The following WDR5 variants were observed in gnomAD, a reference collection of about 807,000 sequenced individuals.
The protein encoded by WDR5 is WD repeat-containing protein 5.
For missense variants in WDR5, 187 were observed against 416.9 expected, an observed-to-expected ratio of 0.45 and a Z score of 4.80; for synonymous variants, 144 against 161.6, an observed-to-expected ratio of 0.89 and a Z score of 0.83.
chr9:134,146,801 G>A (rs760554578), intron 7 of WDR5, among the ~76,000 whole-genome samples: 6 of 152,256 alleles, frequency 3.9e-5, no homozygotes, highest in African/African-American at 1.4e-4. Flanking sequence ...CACATTTAAA[G>A]GTAGGGATGA....
At chr9:134,142,221 C>T in intron 5 of WDR5, 112 bp from the exon 6 acceptor site, 1 of 1,272,350 alleles carries the variant, frequency 7.9e-7, no homozygotes, top group South Asian at 1.3e-5. Flanking sequence ...AACAGCAAGT[C>T]ACTGGCGGGG....
Position 134,141,597 on chromosome 9 carries a change from C to T in WDR5, c.264+14C>T, listed in dbSNP as rs562410098. 6.2e-7 allele frequency: 1 copy of T among 1,613,988 alleles called. No homozygotes were observed. Among genetic ancestry groups the T allele is most frequent in the South Asian group, 1.1e-5 (1 of 91,062 alleles). ...GGTCACAAGCTGGTAGGTTTCAGCCCTGTGCGGTGAAGTTGACTGTTGAAC... is the reference window on the plus strand; with the variant it reads ...GGTCACAAGCTGGTAGGTTTCAGCCTTGTGCGGTGAAGTTGACTGTTGAAC... On this transcript the variant is annotated intron_variant, in intron 4 of 13. Coordinates refer to ENST00000358625, the MANE Select transcript of WDR5 (RefSeq NM_017588.3).
At chr9:134,156,448 A>G in intron 12 of WDR5, 58 bp from the exon 13 acceptor site, 1 of 1,532,992 alleles carries the variant, frequency 6.5e-7, no homozygotes, top group East Asian at 2.3e-5. Context: ...TCCCTTTCAC[A>G]TGCATGAGCT....
chr9:134,138,775 A>G (rs1042058397), intron 1 of WDR5, among the ~76,000 whole-genome samples: 12 of 152,208 alleles, frequency 7.9e-5, no homozygotes, highest in Non-Finnish European at 1.0e-4. Flanking sequence ...TAGTGTTACA[A>G]TCAGCCTGTG....
intron 7 of WDR5, among the ~76,000 whole-genome samples, chr9:134,143,405 G>T (rs1053020648): frequency 6.6e-6 from 1 of 152,178 alleles, no homozygotes; most frequent in Non-Finnish European, 1.5e-5. Flanking sequence ...GCTGGACGTG[G>T]TGGCGCGTGC....
At chr9:134,138,153 C>A (rs1374853624) in intron 1 of WDR5, among the ~76,000 whole-genome samples, 2 of 152,186 alleles carry the variant, frequency 1.3e-5, no homozygotes, top group Non-Finnish European at 1.5e-5. Context: ...AGGGGCTGGA[C>A]ACCTTTTTTG....
At position 134,136,186 on chromosome 9, in the gene WDR5, G is replaced by C. The variant is rs1229535550; in HGVS notation, c.-73G>C. The C allele has an allele frequency of 6.8e-6, 1 of 147,600 alleles. No individual in the cohort carries two copies. Among genetic ancestry groups the C allele is most frequent in the Non-Finnish European group, 1.5e-5 (1 of 66,256 alleles). The allele number at this position is 147,600 out of a possible 1,614,324, so 9.1% of individuals were successfully genotyped here. A position where few individuals can be genotyped will look rare whatever the true frequency, so the allele number is the denominator to read the frequency against. ...GACGCCCCGAGCGCCCGGCCCCGCCGCCGCGGCCCGGCAGGTAAGCGGGCA... is the reference window on the plus strand; with the variant it reads ...GACGCCCCGAGCGCCCGGCCCCGCCCCCGCGGCCCGGCAGGTAAGCGGGCA... On this transcript the variant is annotated 5_prime_UTR_variant, in exon 1 of 14. Coordinates refer to ENST00000358625, the MANE Select transcript of WDR5 (RefSeq NM_017588.3).
intron 3 of WDR5, 81 bp from the exon 4 acceptor site, chr9:134,141,429 G>C: frequency 7.0e-7 from 1 of 1,431,864 alleles, no homozygotes; most frequent in Non-Finnish European, 9.8e-7. Context: ...GACTCATGTG[G>C]GAAAAGCTCA....
chr9:134,157,620 G>T lies in WDR5; in HGVS notation c.905-273G>T, dbSNP rs1052115371. The stretch of plus-strand genomic sequence containing the variant: ...GCTGCTGTTGGTGGGGGCGTGTGGG[G>T]CTCCTGGTCTGCAGGCAGGGCTGGC... On this transcript the variant is annotated intron_variant, in intron 13 of 13. Transcript: ENST00000358625. The surrounding 1 kb of genome is among the most constrained non-coding windows in gnomAD (Gnocchi z 5.0). Among the ~76,000 whole-genome samples the T allele has an allele frequency of 6.6e-6, 1 of 152,132 alleles. No homozygotes were observed. The highest frequency in any genetic ancestry group is 2.4e-5 in the African/African-American group (1 of 41,422).
chr9:134,140,335 G>T (rs1371638849), intron 2 of WDR5, among the ~76,000 whole-genome samples: 3 of 152,174 alleles, frequency 2.0e-5, no homozygotes, highest in Non-Finnish European at 4.4e-5. Flanking sequence ...GGGTCGGAGG[G>T]TGGGGCGCTG....
intron 7 of WDR5, among the ~76,000 whole-genome samples, chr9:134,145,099 T>TTTTGTTTTTTTG (rs1001570522): frequency 1.8e-5 from 2 of 112,914 alleles, no homozygotes; most frequent in Middle Eastern, 4.1e-3. Context: ...GGGCTTTGTT[T>TTTTGTTTTTTTG]TTTTTTTTTT....
intron 3 of WDR5, among the ~76,000 whole-genome samples, chr9:134,141,135 G>C (rs1272822504): frequency 6.6e-6 from 1 of 152,078 alleles, no homozygotes; most frequent in East Asian, 1.9e-4. Context: ...TACAAAAAAA[G>C]ATTAGCCGGG....
intron 8 of WDR5, among the ~76,000 whole-genome samples, chr9:134,151,214 G>A (rs1284293679): frequency 2.0e-5 from 3 of 152,158 alleles, no homozygotes; most frequent in Non-Finnish European, 2.9e-5. Flanking sequence ...GAGGTCCAGT[G>A]TGGTCTCGTC....
intron 7 of WDR5, among the ~76,000 whole-genome samples, chr9:134,143,894 C>T (rs1250891217): frequency 6.6e-6 from 1 of 151,926 alleles, no homozygotes; most frequent in African/African-American, 2.4e-5. Context: ...TAAACCGCTC[C>T]ATTTCACAAA....
chr9:134,149,065 A>T (rs1832359524), intron 8 of WDR5, among the ~76,000 whole-genome samples: 1 of 152,148 alleles, frequency 6.6e-6, no homozygotes. Context: ...TGAAGATCTT[A>T]CTAGGACTTC....
Position 134,145,096 on chromosome 9 carries a change from G to GTTGTTTTTTTTTTT in WDR5, c.528+2379_528+2380insGTTTTTTTTTTTTT, listed in dbSNP as rs1554726635. ...ACTGCAGAGAGGTTTGTGGGGCTTT[G>GTTGTTTTTTTTTTT]TTTTTTTTTTTTTTTTTTTTGAAAC... On this transcript the variant is annotated intron_variant, in intron 7 of 13. Transcript: ENST00000358625. Among the ~76,000 whole-genome samples the GTTGTTTTTTTTTTT allele has an allele frequency of 9.1e-4, 95 of 104,714 alleles. 1 individual carries two copies. The highest frequency in any genetic ancestry group is 3.2e-3 in the African/African-American group (93 of 29,154). 68.7% of individuals were successfully genotyped at this position (104,714 alleles called of 152,430 possible).
At chr9:134,152,606 G>A (rs1213259385) in intron 9 of WDR5, among the ~76,000 whole-genome samples, 3 of 152,348 alleles carry the variant, frequency 2.0e-5, no homozygotes, top group African/African-American at 7.2e-5. Flanking sequence ...GTTTTCATCC[G>A]GGGAGTGTTC....
At chr9:134,149,667 A>G (rs145710779) in intron 8 of WDR5, among the ~76,000 whole-genome samples, 9 of 152,354 alleles carry the variant, frequency 5.9e-5, no homozygotes, top group Admixed American at 5.9e-4. Flanking sequence ...GAAAAAGTAT[A>G]CCAAGGAAAT....
rs746059605 is a variant in WDR5 at position 134,154,463 on chromosome 9, C to T, written c.632-3C>T. On this transcript the variant is annotated splice_polypyrimidine_tract_variant and splice_region_variant and intron_variant, in intron 9 of 13. Coordinates refer to ENST00000358625, the MANE Select transcript of WDR5 (RefSeq NM_017588.3). ...GTGTGTCACCTGTCCGTTTTTATTG[C>T]AGATGACGACAACCCCCCCGTGTCT... 4.3e-6 allele frequency: 7 copies of T among 1,614,024 alleles called. No individual in the cohort carries two copies. The Admixed American group carries it at 1.2e-4, about 27-fold the overall frequency.
Sources: allele counts gnomAD v4.1 joint callset (sites outside exome capture counted in the v4.1 genomes callset), GRCh38; gene constraint gnomAD v4.1.1; non-coding constraint Gnocchi (gnomAD v3.1); transcripts MANE v1.5; gene names NCBI Gene and HGNC (gene_info 2026-07-23, HGNC 2026-07-21).